ZNF292: variants seen among roughly 807,000 people sequenced by gnomAD.
ZNF292 encodes 16 zinc-finger domain protein.
Under a neutral mutation model 217.9 loss-of-function variants are expected in ZNF292, and 26 were observed. The observed-to-expected ratio is 0.12, with a 90% confidence interval of 0.09 to 0.17. The LOEUF (loss-of-function observed/expected upper bound fraction) is 0.17. Ranked by LOEUF, ZNF292 falls within the 10% of genes least tolerant of loss-of-function variation. The pLI, the probability that ZNF292 is intolerant of heterozygous loss-of-function variation, is 1.00. For synonymous variants in ZNF292, 1,257 were observed against 1,124.1 expected (o/e 1.12, Z -2.37); for missense variants, 2,904 against 3,175.2 (o/e 0.91, Z 2.05).
Position 87,261,599 on chromosome 6 carries a change from C to T in ZNF292, c.7970C>T (p.Pro2657Leu), listed in dbSNP as rs1366703109. ...GAAACGTTTGTACAGTTTGCCAATCCATCACAGCTTCAGTGCAGTGATAAT... is the reference window on the plus strand; with the variant it reads ...GAAACGTTTGTACAGTTTGCCAATCTATCACAGCTTCAGTGCAGTGATAAT... The part of the protein sequence containing the change: ...ESETFVQFAN[P>L]SQLQCSDNVK... Residue 2657 changes from proline (P) to leucine (L), a missense_variant, in exon 8 of 8, where the codon CCA becomes CTA. Physicochemically the swap from Pro to Leu is moderately conservative, Grantham distance 98. Coordinates refer to ENST00000369577, the MANE Select transcript of ZNF292 (RefSeq NM_015021.3). The T allele has an allele frequency of 1.2e-6, 2 of 1,610,938 alleles. No individual in the cohort carries two copies. Among genetic ancestry groups the T allele is most frequent in the Non-Finnish European group, 1.7e-6 (2 of 1,178,290 alleles).
intron 4 of ZNF292, among the ~76,000 whole-genome samples, chr6:87,219,011 T>G (rs1193502949): frequency 1.3e-5 from 2 of 152,186 alleles, no homozygotes; most frequent in Admixed American, 1.3e-4. Flanking sequence ...GGCAATCCAG[T>G]TTATATTTGA....
chr6:87,182,403 A>G (rs1199265669), intron 1 of ZNF292, among the ~76,000 whole-genome samples: 1 of 152,200 alleles, frequency 6.6e-6, no homozygotes, highest in Non-Finnish European at 1.5e-5. Flanking sequence ...TTTTGAGTAA[A>G]TTAGCAAATG....
chr6:87,185,609 A>C (rs1006396821), intron 1 of ZNF292, among the ~76,000 whole-genome samples: 2 of 152,052 alleles, frequency 1.3e-5, no homozygotes, highest in African/African-American at 4.8e-5. Context: ...CTGGGACTAC[A>C]GGTGCGTGCC....
chr6:87,190,516 C>T (rs1465207104), intron 1 of ZNF292, among the ~76,000 whole-genome samples: 2 of 152,054 alleles, frequency 1.3e-5, no homozygotes, highest in Non-Finnish European at 2.9e-5. Context: ...CTCTGTCGCC[C>T]AGGCTGGAGT....
At chr6:87,236,389 GT>G (rs770752267) in intron 5 of ZNF292, among the ~76,000 whole-genome samples, 7,023 of 130,614 alleles carry the variant, frequency 0.054, 203 homozygotes, top group Non-Finnish European at 0.079. Flanking sequence ...CCCATAGGTT[GT>G]TTTTTTTTTT....
At chr6:87,181,189 C>T (rs992881058) in intron 1 of ZNF292, among the ~76,000 whole-genome samples, 3 of 152,254 alleles carry the variant, frequency 2.0e-5, no homozygotes, top group Middle Eastern at 3.4e-3. Flanking sequence ...CCATATCCCA[C>T]GCTGTTCCCT....
chr6:87,186,879 A>G (rs1186415365), intron 1 of ZNF292, among the ~76,000 whole-genome samples: 3 of 152,208 alleles, frequency 2.0e-5, no homozygotes, highest in Admixed American at 6.5e-5. Flanking sequence ...CAGAACTTAA[A>G]GTTTCTCTGA....
chr6:87,200,465 A>T (rs1394357368), intron 1 of ZNF292, among the ~76,000 whole-genome samples: 1 of 135,906 alleles, frequency 7.4e-6, no homozygotes, highest in Non-Finnish European at 1.6e-5. Flanking sequence ...CTAGACATTT[A>T]AAAAAAAAAT....
At chr6:87,218,835 C>T in intron 4 of ZNF292, 104 bp downstream of exon 4, 2 of 1,260,194 alleles carry the variant, frequency 1.6e-6, no homozygotes, top group African/African-American at 1.6e-5. Context: ...CAAAGAAGGA[C>T]CATTTAATTA....
chr6:87,258,190 T>G lies in ZNF292; in HGVS notation c.4561T>G (p.Ser1521Ala). 6.2e-7 allele frequency: 1 copy of G among 1,611,740 alleles called. No homozygotes were observed. The highest frequency in any genetic ancestry group is 8.5e-7 in the Non-Finnish European group (1 of 1,179,016). Residue 1521 changes from serine to alanine, a missense_variant, in exon 8 of 8, where the codon TCA (serine) becomes GCA (alanine). Physicochemically the swap from Ser to Ala is moderately conservative, Grantham distance 99. This residue lies in a region of ZNF292 where 622 missense variants were observed against 573.1 expected (regional missense o/e 1.09). Transcript: ENST00000369577. Reference protein sequence around the residue: ...HVSTGCVSDASQVNATVMPNP... With the variant: ...HVSTGCVSDAAQVNATVMPNP... The stretch of plus-strand genomic sequence containing the variant: ...TTCAACAGGTTGTGTCTCTGATGCA[T>G]CACAAGTAAATGCAACGGTGATGCC...
chr6:87,242,544 A>G (rs1345457826), intron 5 of ZNF292, among the ~76,000 whole-genome samples: 1 of 152,210 alleles, frequency 6.6e-6, no homozygotes, highest in Non-Finnish European at 1.5e-5. Flanking sequence ...GAGAAAATCA[A>G]CTAGGAGAGG....
At chr6:87,206,116 C>T (rs1019508479) in intron 1 of ZNF292, among the ~76,000 whole-genome samples, 13 of 152,122 alleles carry the variant, frequency 8.5e-5, no homozygotes, top group Non-Finnish European at 1.5e-4. Context: ...CTAATCTGGA[C>T]GTATCTTCTC....
chr6:87,216,438 TA>T (rs929066604), intron 3 of ZNF292, 61 bp downstream of exon 3: 8 of 1,254,788 alleles, frequency 6.4e-6, no homozygotes, highest in African/African-American at 3.0e-5. Context: ...TCCTTACTCT[TA>T]AAAAAATTAT....
At chr6:87,183,410 G>C (rs905328169) in intron 1 of ZNF292, among the ~76,000 whole-genome samples, 7 of 151,868 alleles carry the variant, frequency 4.6e-5, no homozygotes, top group Non-Finnish European at 1.0e-4. Flanking sequence ...AGAAATGACT[G>C]TTTAAAAAAA....
rs373848653 is a variant in ZNF292, at chr6:87,255,681, T to C, written c.2052T>C (p.Pro684=). ...KPVPVNEFNC[P]VTFCKKGFKY... is the part of the protein sequence containing the mutation. ...TACCTGTTAATGAATTTAATTGCCCTGTAACTTTTTGTAAAAAGGGCTTTA... is the reference window on the plus strand; with the variant it reads ...TACCTGTTAATGAATTTAATTGCCCCGTAACTTTTTGTAAAAAGGGCTTTA... The change falls in exon 8 of 8, where the codon CCT becomes CCC. Residue 684 remains proline (P), a synonymous_variant. Transcript: ENST00000369577. 3.7e-5 allele frequency: 59 copies of C among 1,613,106 alleles called. No individual in the cohort carries two copies. The highest frequency in any genetic ancestry group is 4.5e-5 in the Non-Finnish European group (53 of 1,179,600).
At chr6:87,182,461 G>C (rs969060336) in intron 1 of ZNF292, among the ~76,000 whole-genome samples, 4 of 152,122 alleles carry the variant, frequency 2.6e-5, no homozygotes, top group Non-Finnish European at 4.4e-5. Flanking sequence ...TAGGAGGCTC[G>C]GGTAAAAGAA....
chr6:87,209,450 A>G (rs1772391389), intron 1 of ZNF292, among the ~76,000 whole-genome samples: 1 of 152,228 alleles, frequency 6.6e-6, no homozygotes, highest in Non-Finnish European at 1.5e-5. Flanking sequence ...ACATTTTAAT[A>G]ACTTAGAAGT....
chr6:87,217,809 A>G (rs1772865767), intron 3 of ZNF292, among the ~76,000 whole-genome samples: 1 of 152,220 alleles, frequency 6.6e-6, no homozygotes, highest in Admixed American at 6.5e-5. Context: ...TGCAGCTTTA[A>G]GAGTTTCTAC....
chr6:87,251,025 G>A (rs1457124160), intron 7 of ZNF292, among the ~76,000 whole-genome samples: 1 of 152,198 alleles, frequency 6.6e-6, no homozygotes. Context: ...TAACCCACTT[G>A]TCTATTTTCG....
Sources: gnomAD v4.1 joint callset for allele counts (sites outside exome capture counted in the v4.1 genomes callset) on GRCh38, gnomAD v4.1.1 for gene constraint, gnomAD v4.1.1 regional missense constraint, MANE v1.5 for transcripts, NCBI Gene and HGNC (gene_info 2026-07-23, HGNC 2026-07-21) for gene names.